Variants in CHCHD3 observed in about 807,000 individuals in gnomAD.
CHCHD3 encodes MICOS complex subunit MIC19.
Under a neutral mutation model 38.2 loss-of-function variants are expected in CHCHD3, and 20 were observed. The ratio of observed to expected loss-of-function variants is 0.52; its 90% CI spans 0.37 to 0.76. The LOEUF is 0.76. Among genes scored for constraint, CHCHD3 ranks in the 30% least tolerant of loss-of-function variants. CHCHD3 has a pLI of 0.00. For synonymous variants in CHCHD3, 82 were observed against 100.0 expected (o/e 0.82, Z 1.07); for missense variants, 245 against 279.2 (o/e 0.88, Z 0.87).
chr7:133,017,899 CAATG>C lies in CHCHD3; in HGVS notation c.251+6643_251+6646del, dbSNP rs572950209. ...TAGAAAACTGCCACCTGAAGAAAAACAATGAAAGTAGCAGATGGCACAAGATTCC... is the reference window on the plus strand; with the variant it reads ...TAGAAAACTGCCACCTGAAGAAAAACAAAGTAGCAGATGGCACAAGATTCC... On this transcript the variant is annotated intron_variant, in intron 3 of 7. Coordinates refer to ENST00000262570, the MANE Select transcript of CHCHD3 (RefSeq NM_017812.4). Among the ~76,000 whole-genome samples the C allele has an allele frequency of 1.6e-4, 25 of 152,216 alleles. No homozygotes were observed. In the South Asian group the frequency reaches 1.7e-3, roughly 10 times the overall value.
At chr7:132,867,083 AT>A (rs1808652657) in intron 5 of CHCHD3, among the ~76,000 whole-genome samples, 1 of 152,196 alleles carries the variant, frequency 6.6e-6, no homozygotes, top group Non-Finnish European at 1.5e-5. Context: ...ACCACTTGAC[AT>A]AAAATATATT....
chr7:132,968,547 G>A (rs915961253), intron 4 of CHCHD3, among the ~76,000 whole-genome samples: 6 of 152,214 alleles, frequency 3.9e-5, no homozygotes, highest in Non-Finnish European at 8.8e-5. Flanking sequence ...GGAGGTTAGT[G>A]TCTAGGGCAA....
intron 4 of CHCHD3, among the ~76,000 whole-genome samples, chr7:132,967,360 G>C (rs1055621410): frequency 5.3e-5 from 8 of 152,110 alleles, no homozygotes; most frequent in African/African-American, 1.9e-4. Flanking sequence ...ACACCGTGTT[G>C]ACTGGATAGG....
chr7:132,996,314 T>C (rs1052501610), intron 3 of CHCHD3, among the ~76,000 whole-genome samples: 3 of 152,182 alleles, frequency 2.0e-5, no homozygotes, highest in African/African-American at 7.2e-5. Flanking sequence ...ACGCAGTTAT[T>C]GACATCACAA....
chr7:132,833,086 A>C (rs1807689629), intron 6 of CHCHD3, among the ~76,000 whole-genome samples: 1 of 152,256 alleles, frequency 6.6e-6, no homozygotes, highest in Non-Finnish European at 1.5e-5. Flanking sequence ...CTACACATGT[A>C]ACATTATTAA....
At chr7:133,055,693 T>G (rs1373109023) in intron 2 of CHCHD3, among the ~76,000 whole-genome samples, 1 of 150,494 alleles carries the variant, frequency 6.6e-6, no homozygotes, top group Non-Finnish European at 1.5e-5. Flanking sequence ...AAATACTGAC[T>G]GCCAAGAGAA....
rs1261421557 is a variant in CHCHD3 at position 132,984,815 on chromosome 7, G to A, written c.252-9529C>T. ...CCACTCCGTCTGGGAAGTGAGGAGC[G>A]TCTCCGCCCGGCAGCCACCCGGTCT... On this transcript the variant is annotated intron_variant, in intron 3 of 7. Transcript: ENST00000262570. Among the ~76,000 whole-genome samples the A allele has an allele frequency of 2.0e-3, 276 of 136,586 alleles. 4 individuals carry two copies. The highest frequency in any genetic ancestry group is 6.9e-3 in the African/African-American group (252 of 36,584). The allele number at this position is 136,586 out of a possible 152,430, so 89.6% of individuals were successfully genotyped here.
At chr7:132,800,218 A>G (rs1806752801) in intron 6 of CHCHD3, among the ~76,000 whole-genome samples, 1 of 152,232 alleles carries the variant, frequency 6.6e-6, no homozygotes, top group Non-Finnish European at 1.5e-5. Context: ...ACTGCTTAAA[A>G]AACATGGTGA....
At chr7:132,990,951 T>TACACAC (rs768136991) in intron 3 of CHCHD3, among the ~76,000 whole-genome samples, 10,851 of 143,592 alleles carry the variant, frequency 0.076, 495 homozygotes, top group South Asian at 0.18. Flanking sequence ...CAGACACACA[T>TACACAC]ACACACACAC....
chr7:132,900,030 A>G (rs952435249), intron 4 of CHCHD3, among the ~76,000 whole-genome samples: 3 of 152,234 alleles, frequency 2.0e-5, no homozygotes, highest in African/African-American at 7.2e-5. Context: ...CCAGGGGCAG[A>G]CACTGTGTGG....
intron 2 of CHCHD3, chr7:133,034,960 G>T (rs1473977148): frequency 2.5e-6 from 4 of 1,600,910 alleles, no homozygotes; most frequent in Non-Finnish European, 3.4e-6. Context: ...GAGTACCACA[G>T]GGACCAGCCG....
intron 4 of CHCHD3, among the ~76,000 whole-genome samples, chr7:132,922,537 C>A (rs1230754138): frequency 6.6e-6 from 1 of 151,542 alleles, no homozygotes; most frequent in East Asian, 1.9e-4. Context: ...AATATTATAT[C>A]CCTGCTTCTC....
At chr7:132,791,941 G>T (rs1469769875) in intron 7 of CHCHD3, among the ~76,000 whole-genome samples, 1 of 152,120 alleles carries the variant, frequency 6.6e-6, no homozygotes, top group African/African-American at 2.4e-5. Flanking sequence ...GGTCTGAGGT[G>T]GGGCTGTCTC....
chr7:132,960,294 G>A (rs760277645), intron 4 of CHCHD3, among the ~76,000 whole-genome samples: 90 of 152,108 alleles, frequency 5.9e-4, no homozygotes, highest in Non-Finnish European at 9.1e-4. Context: ...GACGGGGAAA[G>A]CAGTATTATC....
chr7:132,967,035 C>G (rs769111569), intron 4 of CHCHD3, among the ~76,000 whole-genome samples: 5 of 152,166 alleles, frequency 3.3e-5, no homozygotes, highest in Non-Finnish European at 5.9e-5. Flanking sequence ...ACGCAGTGCT[C>G]TCCATATCTC....
At chr7:132,970,104 C>A (rs754706819) in intron 4 of CHCHD3, among the ~76,000 whole-genome samples, 17 of 152,190 alleles carry the variant, frequency 1.1e-4, no homozygotes, top group African/African-American at 4.1e-4. Flanking sequence ...TGCACACACA[C>A]ACCCACTTAA....
At chr7:132,895,626 A>C (rs1809476372) in intron 4 of CHCHD3, among the ~76,000 whole-genome samples, 1 of 152,230 alleles carries the variant, frequency 6.6e-6, no homozygotes, top group South Asian at 2.1e-4. Context: ...TGCTGTCCTC[A>C]TGACAGTGAA....
chr7:132,799,568 G>A (rs1806729416), intron 6 of CHCHD3, among the ~76,000 whole-genome samples: 1 of 152,124 alleles, frequency 6.6e-6, no homozygotes. Flanking sequence ...TAAGGAAGAG[G>A]CAAAGAAATG....
chr7:132,929,331 G>A (rs1297932473), intron 4 of CHCHD3, among the ~76,000 whole-genome samples: 1 of 151,940 alleles, frequency 6.6e-6, no homozygotes, highest in Non-Finnish European at 1.5e-5. Context: ...TTGGCTGCTT[G>A]AACACTCATG....
Sources: gnomAD v4.1 joint callset for allele counts (sites outside exome capture counted in the v4.1 genomes callset) on GRCh38, gnomAD v4.1.1 for gene constraint, MANE v1.5 for transcripts, NCBI Gene and HGNC (gene_info 2026-07-23, HGNC 2026-07-21) for gene names.